Variants in GRIN2A observed in about 807,000 individuals in gnomAD.
The protein encoded by GRIN2A is glutamate ionotropic receptor NMDA type subunit 2A, also known as glutamate receptor ionotropic, NMDA 2A.
GRIN2A carries 22 observed loss-of-function variants against 113.4 expected under a neutral mutation model. The ratio of observed to expected loss-of-function variants is 0.19; its 90% CI spans 0.14 to 0.28. GRIN2A has a LOEUF of 0.28. Ranked by LOEUF, GRIN2A falls within the 10% of genes least tolerant of loss-of-function variation. GRIN2A has a pLI of 1.00. For missense variants in GRIN2A, 1,502 were observed against 1,887.0 expected (o/e 0.80, Z 3.78); for synonymous variants, 827 against 738.4 (o/e 1.12, Z -1.94).
intron 2 of GRIN2A, chr16:10,121,372 G>A (rs368279768): frequency 2.6e-5 from 4 of 152,256 alleles, no homozygotes; most frequent in African/African-American, 9.6e-5. Flanking sequence ...TGGTCCTCAA[G>A]CTTAGAAGCT....
intron 3 of GRIN2A, among the ~76,000 whole-genome samples, chr16:9,896,072 C>T (rs1268550849): frequency 2.0e-5 from 3 of 149,894 alleles, no homozygotes; most frequent in South Asian, 4.2e-4. Context: ...TTTTTGGAAA[C>T]AGGGTCTCAC....
chr16:10,040,335 T>C (rs891632485), intron 2 of GRIN2A, among the ~76,000 whole-genome samples: 2 of 142,916 alleles, frequency 1.4e-5, no homozygotes, highest in African/African-American at 2.6e-5. Flanking sequence ...CACACAAACA[T>C]GCACTCACAA....
intron 2 of GRIN2A, among the ~76,000 whole-genome samples, chr16:10,095,630 A>T (rs1021326439): frequency 1.3e-5 from 2 of 152,196 alleles, no homozygotes; most frequent in African/African-American, 4.8e-5. Flanking sequence ...AGCTACATTG[A>T]AAGTGTATCC....
In GRIN2A at chr16:10,073,108, G is replaced by A. The variant is rs571732370; in HGVS notation, c.414+106890C>T. Among the ~76,000 whole-genome samples, 40 of 151,732 alleles carry A rather than the reference G, an allele frequency of 2.6e-4. No individual in the cohort carries two copies. The East Asian group carries it at 3.3e-3, about 13-fold the overall frequency. Reference sequence around the variant, plus strand: ...GTAGCTGGGATTACAGGCACCCACCGCCACGTCTGGCTAGTTTTTGTATTG... The same window carrying A: ...GTAGCTGGGATTACAGGCACCCACCACCACGTCTGGCTAGTTTTTGTATTG... On this transcript the variant is annotated intron_variant, in intron 2 of 12. Transcript: ENST00000330684.
At chr16:10,089,541 G>C (rs2048146222) in intron 2 of GRIN2A, among the ~76,000 whole-genome samples, 1 of 152,114 alleles carries the variant, frequency 6.6e-6, no homozygotes, top group Non-Finnish European at 1.5e-5. Context: ...GTAATGATGA[G>C]GTTGAGGTCT....
chr16:10,128,364 G>A lies in GRIN2A; in HGVS notation c.414+51634C>T, dbSNP rs1184298742. On this transcript the variant is annotated intron_variant, in intron 2 of 12. Transcript: ENST00000330684. ...CTTCCAAGTGATGTCAGAAATGATC[G>A]TTTTATGAACTGTACCCCTCAACTT... Among the ~76,000 whole-genome samples, 3 of 152,170 alleles carry A rather than the reference G, an allele frequency of 2.0e-5. No individual in the cohort carries two copies. The East Asian group carries it at 5.8e-4, about 29-fold the overall frequency.
At chr16:10,039,285 T>C (rs1194729819) in intron 2 of GRIN2A, among the ~76,000 whole-genome samples, 1 of 152,172 alleles carries the variant, frequency 6.6e-6, no homozygotes, top group African/African-American at 2.4e-5. Context: ...GCTCTCTTGC[T>C]CACGACTCAA....
chr16:10,000,983 C>G (rs956868566), intron 2 of GRIN2A, among the ~76,000 whole-genome samples: 1 of 152,120 alleles, frequency 6.6e-6, no homozygotes, highest in Non-Finnish European at 1.5e-5. Context: ...CTCTCCATCC[C>G]TGAGACCCAT....
intron 11 of GRIN2A, among the ~76,000 whole-genome samples, chr16:9,781,434 C>A (rs899438779): frequency 6.6e-6 from 1 of 152,278 alleles, no homozygotes; most frequent in Admixed American, 6.5e-5. Context: ...GAACACTGCT[C>A]TCTGCAGCCT....
At chr16:10,129,540 G>A (rs1479976463) in intron 2 of GRIN2A, among the ~76,000 whole-genome samples, 1 of 152,112 alleles carries the variant, frequency 6.6e-6, no homozygotes, top group East Asian at 1.9e-4. Flanking sequence ...TGAATGGTGA[G>A]AACAAGACAA....
intron 4 of GRIN2A, among the ~76,000 whole-genome samples, chr16:9,885,536 A>C (rs1005057865): frequency 6.6e-6 from 1 of 152,202 alleles, no homozygotes; most frequent in Non-Finnish European, 1.5e-5. Flanking sequence ...AAAGGCCTGG[A>C]AAAAAGCAAG....
chr16:10,011,410 A>C (rs2046502765), intron 2 of GRIN2A, among the ~76,000 whole-genome samples: 1 of 152,292 alleles, frequency 6.6e-6, no homozygotes, highest in South Asian at 2.1e-4. Flanking sequence ...ATTCTTCTGT[A>C]AGTAGCAATA....
chr16:10,030,784 C>A lies in GRIN2A; in HGVS notation c.415-92233G>T, dbSNP rs150283361. Among the ~76,000 whole-genome samples the A allele has an allele frequency of 1.8e-3, 272 of 152,256 alleles. 1 individual carries two copies. Among genetic ancestry groups the A allele is most frequent in the African/African-American group, 6.1e-3 (253 of 41,550 alleles). On this transcript the variant is annotated intron_variant, in intron 2 of 12. Coordinates refer to ENST00000330684, the MANE Select transcript of GRIN2A (RefSeq NM_001134407.3). ...GCAGGGTGATCATCTATTAACTCAG[C>A]AAATAGTTATCGACAGCTACAATCT...
chr16:9,902,811 C>T lies in GRIN2A; in HGVS notation c.1008-11711G>A, dbSNP rs79905853. Among the ~76,000 whole-genome samples the T allele has an allele frequency of 3.9e-5, 6 of 152,140 alleles. No homozygotes were observed. In the East Asian group the frequency reaches 1.2e-3, roughly 29 times the overall value. ...ACCCCATCTCTTAGTATATGCTGTT[C>T]CTCCCACCCAGAATGCCTTTCTGCC... is the stretch of plus-strand genomic sequence containing the variant. On this transcript the variant is annotated intron_variant, in intron 3 of 12. Transcript: ENST00000330684.
chr16:9,943,396 C>T (rs978865452), intron 2 of GRIN2A: 5 of 152,208 alleles, frequency 3.3e-5, no homozygotes, highest in Non-Finnish European at 7.3e-5. Flanking sequence ...TCAGTACCAT[C>T]ATAACTGAGG....
intron 4 of GRIN2A, among the ~76,000 whole-genome samples, chr16:9,870,644 T>C (rs979058851): frequency 1.3e-5 from 2 of 150,282 alleles, no homozygotes; most frequent in African/African-American, 5.0e-5. Flanking sequence ...TTTTTTTTTT[T>C]CTTTTTTTGT....
intron 2 of GRIN2A, among the ~76,000 whole-genome samples, chr16:9,973,464 G>C (rs983624214): frequency 1.3e-5 from 2 of 151,992 alleles, no homozygotes; most frequent in Admixed American, 1.3e-4. Context: ...TTGCAAAGGT[G>C]GTTTCAAAAG....
In GRIN2A at chr16:10,012,556, C is replaced by A. The variant is rs376464946; in HGVS notation, c.415-74005G>T. Among the ~76,000 whole-genome samples, 28 of 152,250 alleles carry A rather than the reference C, an allele frequency of 1.8e-4. No homozygotes were observed. In the East Asian group the frequency reaches 4.2e-3, roughly 23 times the overall value. Reference sequence around the variant, plus strand: ...CCATGTGGGACAGGCAGAACAATGGCCCCCAAAGGTGTCCATGTCCTAATC... The same window carrying A: ...CCATGTGGGACAGGCAGAACAATGGACCCCAAAGGTGTCCATGTCCTAATC... On this transcript the variant is annotated intron_variant, in intron 2 of 12. Transcript: ENST00000330684.
At chr16:9,880,519 A>G (rs916395032) in intron 4 of GRIN2A, among the ~76,000 whole-genome samples, 4 of 152,190 alleles carry the variant, frequency 2.6e-5, no homozygotes, top group Non-Finnish European at 5.9e-5. Context: ...TTCAAAGTCA[A>G]CTGAGAAGTC....
Sources: allele counts gnomAD v4.1 joint callset (sites outside exome capture counted in the v4.1 genomes callset), GRCh38; gene constraint gnomAD v4.1.1; transcripts MANE v1.5; gene names NCBI Gene and HGNC (gene_info 2026-07-23, HGNC 2026-07-21).